SAMD12: variants seen among roughly 807,000 people sequenced by gnomAD.
SAMD12 encodes the protein sterile alpha motif domain containing 12.
In SAMD12, 9 loss-of-function variants were observed where a neutral mutation model predicts 15.0. The observed-to-expected ratio is 0.60, with a 90% CI of 0.36 to 1.05. The LOEUF (loss-of-function observed/expected upper bound fraction) is 1.05. Among genes scored for constraint, SAMD12 ranks in the 50% least tolerant of loss-of-function variants. The pLI, the probability that SAMD12 is intolerant of heterozygous loss-of-function variation, is 0.01. For missense variants in SAMD12, 230 were observed against 234.2 expected (o/e 0.98, Z 0.12); for synonymous variants, 86 against 90.1 (o/e 0.96, Z 0.25).
chr8:118,313,263 T>A (rs1815719247), intron 4 of SAMD12, among the ~76,000 whole-genome samples: 1 of 152,218 alleles, frequency 6.6e-6, no homozygotes, highest in African/African-American at 2.4e-5. Flanking sequence ...TTCAAAACTC[T>A]GATGGCATGC....
chr8:118,314,003 G>A (rs1376395502), intron 4 of SAMD12, among the ~76,000 whole-genome samples: 1 of 151,942 alleles, frequency 6.6e-6, no homozygotes, highest in East Asian at 1.9e-4. Context: ...TTGAGGAGGT[G>A]ATTTGTGTCT....
the SAMD12 span, among the ~76,000 whole-genome samples, chr8:118,149,832 C>A: frequency 1.3e-5 from 2 of 152,058 alleles, no homozygotes; most frequent in Admixed American, 1.3e-4. Flanking sequence ...GTTAAAAAGA[C>A]CATCATTATC....
At chr8:118,226,971 A>G (rs2129900114) in intron 4 of SAMD12, among the ~76,000 whole-genome samples, 1 of 152,322 alleles carries the variant, frequency 6.6e-6, no homozygotes, top group South Asian at 2.1e-4. Context: ...ATTAGAGGAC[A>G]TAGGCTTTCA....
chr8:118,451,590 T>C (rs1265202415), intron 2 of SAMD12, among the ~76,000 whole-genome samples: 1 of 152,210 alleles, frequency 6.6e-6, no homozygotes, highest in Non-Finnish European at 1.5e-5. Context: ...ATTTGGATCA[T>C]TTTATAGAAA....
At chr8:118,220,303 T>G (rs1251977434) in intron 4 of SAMD12, among the ~76,000 whole-genome samples, 1 of 152,218 alleles carries the variant, frequency 6.6e-6, no homozygotes, top group Admixed American at 6.5e-5. Flanking sequence ...AATTTTATTT[T>G]CCACTTTACA....
At chr8:118,511,471 G>A (rs894732965) in intron 2 of SAMD12, among the ~76,000 whole-genome samples, 2 of 151,502 alleles carry the variant, frequency 1.3e-5, no homozygotes, top group Admixed American at 6.6e-5. Flanking sequence ...TTAAATGTAC[G>A]TGAATAGATG....
intron 2 of SAMD12, among the ~76,000 whole-genome samples, chr8:118,462,937 C>A (rs1347231884): frequency 6.6e-6 from 1 of 151,634 alleles, no homozygotes; most frequent in Non-Finnish European, 1.5e-5. Flanking sequence ...CCCGTCTCTA[C>A]TAAAAACACA....
chr8:118,542,759 T>G (rs1826020497), intron 2 of SAMD12, among the ~76,000 whole-genome samples: 1 of 152,222 alleles, frequency 6.6e-6, no homozygotes, highest in South Asian at 2.1e-4. Flanking sequence ...TATTTCTATT[T>G]TGAGGAATGA....
At chr8:118,497,517 G>T (rs1586764312) in intron 2 of SAMD12, among the ~76,000 whole-genome samples, 1 of 152,240 alleles carries the variant, frequency 6.6e-6, no homozygotes, top group East Asian at 1.9e-4. Flanking sequence ...GCTAAACGTT[G>T]AGTACACATG....
intron 2 of SAMD12, among the ~76,000 whole-genome samples, chr8:118,481,935 A>G (rs1824139118): frequency 6.6e-6 from 1 of 152,174 alleles, no homozygotes; most frequent in Non-Finnish European, 1.5e-5. Flanking sequence ...ACCTCTACCT[A>G]TATTAACTCG....
intron 4 of SAMD12, among the ~76,000 whole-genome samples, chr8:118,365,888 T>TAGAGCC (rs1341672728): frequency 1.3e-5 from 2 of 152,064 alleles, no homozygotes; most frequent in African/African-American, 2.4e-5. Context: ...CCTGATCCCT[T>TAGAGCC]AGAGCCAGAG....
chr8:118,516,210 G>A lies in SAMD12; in HGVS notation c.192+64505C>T, dbSNP rs373643124. Among the ~76,000 whole-genome samples, 30 of 152,278 alleles carry A rather than the reference G, an allele frequency of 2.0e-4. No individual in the cohort carries two copies. The East Asian group carries it at 5.4e-3, about 27-fold the overall frequency. Reference sequence around the variant, plus strand: ...TGACTTCTTCAACCTTTCCTTACCTGTATCACACACTTATTAGTTATTGCC... The same window carrying A: ...TGACTTCTTCAACCTTTCCTTACCTATATCACACACTTATTAGTTATTGCC... On this transcript the variant is annotated intron_variant, in intron 2 of 3. Coordinates refer to ENST00000314727, the MANE Select transcript of SAMD12 (RefSeq NM_207506.3).
the SAMD12 span, among the ~76,000 whole-genome samples, chr8:118,132,882 A>T: frequency 6.7e-6 from 1 of 149,686 alleles, no homozygotes; most frequent in Non-Finnish European, 1.5e-5. Flanking sequence ...GTGGCCACCT[A>T]TCAGGGAGAC....
chr8:118,352,620 G>T (rs1270796118), intron 4 of SAMD12, among the ~76,000 whole-genome samples: 1 of 152,212 alleles, frequency 6.6e-6, no homozygotes, highest in African/African-American at 2.4e-5. Flanking sequence ...GGGGAAAAGT[G>T]GTTGGTGGGG....
Position 118,365,716 on chromosome 8 carries a change from A to G in SAMD12, c.433+13844T>C, listed in dbSNP as rs552916124. Among the ~76,000 whole-genome samples the G allele has an allele frequency of 2.0e-5, 3 of 152,132 alleles. No individual in the cohort carries two copies. The East Asian group carries it at 5.8e-4, about 29-fold the overall frequency. ...ATAATAAATCTCCTCTTATATGTCT[A>G]TATATACCCTATTGGTTGTTTCTCT... On this transcript the variant is annotated intron_variant, in intron 4 of 4. Transcript: ENST00000409003.
chr8:118,463,045 G>A (rs930159029), intron 2 of SAMD12, among the ~76,000 whole-genome samples: 187 of 141,182 alleles, frequency 1.3e-3, no homozygotes, highest in Admixed American at 2.8e-3. Context: ...AGCTTGCAGT[G>A]AGTCGAGATC....
chr8:118,160,294 A>G, the SAMD12 span, among the ~76,000 whole-genome samples: 3 of 152,238 alleles, frequency 2.0e-5, no homozygotes, highest in African/African-American at 7.2e-5. Flanking sequence ...AAGACTAAAT[A>G]TTTTTAATTT....
chr8:118,491,512 A>G (rs1824439853), intron 2 of SAMD12, among the ~76,000 whole-genome samples: 1 of 152,182 alleles, frequency 6.6e-6, no homozygotes. Context: ...AGTAAAACGT[A>G]TAGATCCTAA....
At chr8:118,246,403 T>C (rs1463410481) in intron 4 of SAMD12, among the ~76,000 whole-genome samples, 3 of 152,118 alleles carry the variant, frequency 2.0e-5, no homozygotes, top group African/African-American at 7.2e-5. Flanking sequence ...AAGATATCAG[T>C]GAAGAAACTT....
Sources: gnomAD v4.1 joint callset for allele counts (sites outside exome capture counted in the v4.1 genomes callset) on GRCh38, gnomAD v4.1.1 for gene constraint, MANE v1.5 for transcripts, NCBI Gene and HGNC (gene_info 2026-07-23, HGNC 2026-07-21) for gene names.